The following ZBTB16 variants were observed in gnomAD, a reference collection of about 807,000 sequenced individuals.
The protein encoded by ZBTB16 is zinc finger and BTB domain-containing protein 16.
A neutral mutation model predicts 56.8 loss-of-function variants in ZBTB16; 8 were observed. The observed-to-expected ratio is 0.14, with a 90% confidence interval of 0.08 to 0.25. The LOEUF (loss-of-function observed/expected upper bound fraction) is 0.25. Ranked by LOEUF, ZBTB16 falls within the 10% of genes least tolerant of loss-of-function variation. The probability of loss-of-function intolerance (pLI) is 1.00; values close to 1 mark genes in which losing one functional copy is unlikely to be tolerated. For synonymous variants in ZBTB16, 363 were observed against 368.5 expected, an observed-to-expected ratio of 0.98 and a Z score of 0.17; for missense variants, 625 against 903.0, an observed-to-expected ratio of 0.69 and a Z score of 3.95.
chr11:114,089,011 C>T lies in ZBTB16; in HGVS notation c.1268+24443C>T, dbSNP rs116807186. ...GGTGACCACGAGCAAGGCCTGGGGA[C>T]GAGGACTACGAGGCCTGCAGCTGGG... On this transcript the variant is annotated intron_variant, in intron 2 of 6. Coordinates refer to ENST00000335953, the MANE Select transcript of ZBTB16 (RefSeq NM_006006.6). Among the ~76,000 whole-genome samples the T allele has an allele frequency of 5.4e-3, 829 of 152,308 alleles. 4 individuals are homozygous for T. Among genetic ancestry groups the T allele is most frequent in the African/African-American group, 0.019 (797 of 41,568 alleles).
chr11:114,108,999 G>A (rs1053990099), intron 2 of ZBTB16, among the ~76,000 whole-genome samples: 19 of 152,194 alleles, frequency 1.2e-4, no homozygotes, highest in African/African-American at 3.4e-4. Context: ...CCCTAGTGGG[G>A]CTGTCCCACT....
chr11:114,146,637 A>G (rs184400690), intron 2 of ZBTB16, among the ~76,000 whole-genome samples: 16 of 152,146 alleles, frequency 1.1e-4, no homozygotes, highest in Admixed American at 2.6e-4. Context: ...GCTTGAGGTC[A>G]GGAGTTGGAG....
intron 2 of ZBTB16, among the ~76,000 whole-genome samples, chr11:114,128,968 C>A (rs1941590720): frequency 6.6e-6 from 1 of 152,156 alleles, no homozygotes; most frequent in African/African-American, 2.4e-5. Context: ...CAGAGACAGG[C>A]CCCAGTGTCA....
intron 4 of ZBTB16, among the ~76,000 whole-genome samples, chr11:114,191,636 G>T (rs1402823424): frequency 4.6e-5 from 7 of 152,188 alleles, no homozygotes; most frequent in African/African-American, 1.7e-4. Flanking sequence ...AAAGGCTCAG[G>T]ATCATTTAGC....
chr11:114,227,630 G>A (rs1343974859), intron 4 of ZBTB16, among the ~76,000 whole-genome samples: 1 of 152,162 alleles, frequency 6.6e-6, no homozygotes. Flanking sequence ...AAGTCTCTAA[G>A]TCTTGTGGGT....
At chr11:114,089,415 T>C (rs1377337708) in intron 2 of ZBTB16, among the ~76,000 whole-genome samples, 1 of 152,224 alleles carries the variant, frequency 6.6e-6, no homozygotes, top group African/African-American at 2.4e-5. Flanking sequence ...CCATTTTCTT[T>C]AGGAAGATTG....
intron 4 of ZBTB16, chr11:114,187,298 G>C: frequency 1.8e-6 from 1 of 570,438 alleles, no homozygotes. Flanking sequence ...ACCAGCCACT[G>C]AGAGCTCATG....
chr11:114,235,273 C>G (rs1345162185), intron 4 of ZBTB16, among the ~76,000 whole-genome samples: 1 of 152,208 alleles, frequency 6.6e-6, no homozygotes, highest in Non-Finnish European at 1.5e-5. Context: ...CATGCACACA[C>G]AGCAGTCCCA....
At chr11:114,226,237 A>C (rs1944325517) in intron 4 of ZBTB16, among the ~76,000 whole-genome samples, 1 of 152,192 alleles carries the variant, frequency 6.6e-6, no homozygotes, top group Admixed American at 6.5e-5. Context: ...GCTGTTCCCC[A>C]GGGGAAATAA....
intron 2 of ZBTB16, among the ~76,000 whole-genome samples, chr11:114,133,124 G>A (rs1941709960): frequency 6.6e-6 from 1 of 151,998 alleles, no homozygotes; most frequent in African/African-American, 2.4e-5. Flanking sequence ...AATCAAAATT[G>A]CTGCCTGTCC....
rs1226659626 is a variant in ZBTB16 at position 114,095,145 on chromosome 11, G to A, written c.1268+30577G>A. Among the ~76,000 whole-genome samples, 4 of 152,096 alleles carry A rather than the reference G, an allele frequency of 2.6e-5. No homozygotes were observed. The East Asian group carries it at 7.7e-4, about 29-fold the overall frequency. On this transcript the variant is annotated intron_variant, in intron 2 of 6. Coordinates refer to ENST00000335953, the MANE Select transcript of ZBTB16 (RefSeq NM_006006.6). ...GGAGTGGTGAGGAATGAAGATGCACGTGCACGCGCCCTGCAGTCTCAGTCA... is the reference window on the plus strand; with the variant it reads ...GGAGTGGTGAGGAATGAAGATGCACATGCACGCGCCCTGCAGTCTCAGTCA...
rs183512031 is a variant in ZBTB16, at chr11:114,157,974, C to T, written c.1366+1540C>T. On this transcript the variant is annotated intron_variant, in intron 3 of 6. Transcript: ENST00000335953. ...GAGCCCTAACTTCCAGGCATTTCTG[C>T]GTCCGGATCTGCTTGACACTCACGT... 1.2e-3 allele frequency among the ~76,000 whole-genome samples: 184 copies of T among 152,058 alleles called. 1 individual carries two copies. The highest frequency in any genetic ancestry group is 5.8e-4 in the East Asian group (3 of 5,154).
chr11:114,217,261 C>T (rs1210873857), intron 4 of ZBTB16, among the ~76,000 whole-genome samples: 3 of 152,168 alleles, frequency 2.0e-5, no homozygotes, highest in Non-Finnish European at 4.4e-5. Flanking sequence ...TCTTGGAAGC[C>T]TTTAAAAAGG....
chr11:114,180,164 A>T (rs1024819655), intron 3 of ZBTB16, among the ~76,000 whole-genome samples: 2 of 152,040 alleles, frequency 1.3e-5, no homozygotes, highest in Non-Finnish European at 2.9e-5. Flanking sequence ...AACCTTCTGG[A>T]GGTGTCGGGA....
intron 4 of ZBTB16, among the ~76,000 whole-genome samples, chr11:114,236,814 A>G (rs549927862): frequency 7.0e-4 from 107 of 152,350 alleles, no homozygotes; most frequent in Admixed American, 3.3e-3. Context: ...GATGAATACA[A>G]TAGTTCCTAC....
chr11:114,236,778 G>C (rs1944600992), intron 4 of ZBTB16, among the ~76,000 whole-genome samples: 1 of 152,218 alleles, frequency 6.6e-6, no homozygotes, highest in Admixed American at 6.5e-5. Context: ...ATATCAGGCT[G>C]TGTACTGTGT....
chr11:114,236,957 A>C (rs1355826492), intron 4 of ZBTB16, among the ~76,000 whole-genome samples: 3 of 152,226 alleles, frequency 2.0e-5, no homozygotes, highest in Non-Finnish European at 4.4e-5. Context: ...TAACTCCTCA[A>C]AGATGCCTTC....
intron 3 of ZBTB16, among the ~76,000 whole-genome samples, chr11:114,166,613 T>C (rs1942765663): frequency 6.6e-6 from 1 of 152,170 alleles, no homozygotes; most frequent in Non-Finnish European, 1.5e-5. Flanking sequence ...GAGCTCATCA[T>C]ATCGAGTGAC....
chr11:114,174,172 C>T (rs1027155651), intron 3 of ZBTB16, among the ~76,000 whole-genome samples: 2 of 152,202 alleles, frequency 1.3e-5, no homozygotes, highest in Non-Finnish European at 2.9e-5. Flanking sequence ...AGTCTAGACC[C>T]TGTGCTGCTC....
Sources: allele counts gnomAD v4.1 joint callset (sites outside exome capture counted in the v4.1 genomes callset), GRCh38; gene constraint gnomAD v4.1.1; transcripts MANE v1.5; gene names NCBI Gene and HGNC (gene_info 2026-07-23, HGNC 2026-07-21).